Variants in HEATR5B observed in about 807,000 individuals in gnomAD.
HEATR5B encodes the protein HEAT repeat-containing protein 5B.
Under a neutral mutation model 224.1 loss-of-function variants are expected in HEATR5B, and 156 were observed. That is an observed-to-expected ratio of 0.70 (90% CI 0.61 to 0.80). The LOEUF (loss-of-function observed/expected upper bound fraction) is 0.80, where lower values mean the gene tolerates loss of function less well. Among genes scored for constraint, HEATR5B ranks in the 30% least tolerant of loss-of-function variants. The pLI, the probability that HEATR5B is intolerant of heterozygous loss-of-function variation, is 0.00. For synonymous variants in HEATR5B, 1,027 were observed against 893.0 expected (o/e 1.15, Z -2.68); for missense variants, 2,323 against 2,535.5 (o/e 0.92, Z 1.80).
chr2:37,057,748 C>T (rs1036499193), intron 14 of HEATR5B, among the ~76,000 whole-genome samples: 4 of 152,046 alleles, frequency 2.6e-5, no homozygotes, highest in Non-Finnish European at 5.9e-5. Flanking sequence ...CCATAGCATG[C>T]TTGTAGTCCC....
At chr2:37,017,245 C>T (rs1169764760) in intron 26 of HEATR5B, among the ~76,000 whole-genome samples, 1 of 152,058 alleles carries the variant, frequency 6.6e-6, no homozygotes, top group African/African-American at 2.4e-5. Flanking sequence ...ATTAGCTGGG[C>T]GTGGTGGCAC....
rs1665570767 is a variant in HEATR5B, at chr2:36,981,374, A to G, written c.*116T>C. On this transcript the variant is annotated 3_prime_UTR_variant, in exon 36 of 36. Transcript: ENST00000233099. ...TATTTCACTTAACCTACTTGGAAGC[A>G]CTATAATACCAATATACAAATAAAA... 3.0e-6 allele frequency: 2 copies of G among 662,912 alleles called. No homozygotes were observed. The highest frequency in any genetic ancestry group is 4.8e-6 in the Non-Finnish European group (2 of 419,010). 41.1% of individuals were successfully genotyped at this position (662,912 alleles called of 1,614,324 possible).
chr2:36,990,117 G>A (rs1296868482), intron 34 of HEATR5B, among the ~76,000 whole-genome samples: 3 of 151,520 alleles, frequency 2.0e-5, no homozygotes, highest in East Asian at 1.9e-4. Flanking sequence ...GGCTGGTCTC[G>A]AACTCCTGAC....
intron 18 of HEATR5B, among the ~76,000 whole-genome samples, chr2:37,043,449 A>T (rs1669999623): frequency 6.6e-6 from 1 of 152,216 alleles, no homozygotes; most frequent in South Asian, 2.1e-4. Context: ...TATTTTGAGA[A>T]AGTTAGCCAA....
At chr2:37,078,812 T>C (rs1672381653) in intron 3 of HEATR5B, among the ~76,000 whole-genome samples, 1 of 152,134 alleles carries the variant, frequency 6.6e-6, no homozygotes, top group Non-Finnish European at 1.5e-5. Context: ...CTAGGTAACT[T>C]TACTCATATC....
intron 34 of HEATR5B, 88 bp from the exon 35 acceptor site, chr2:36,988,947 T>G: frequency 1.1e-6 from 1 of 931,674 alleles, no homozygotes; most frequent in Non-Finnish European, 1.7e-6. Context: ...GTACTGAAAA[T>G]AAGTGATACT....
chr2:37,024,992 C>T lies in HEATR5B; in HGVS notation c.3853+2931G>A, dbSNP rs111670899. Among the ~76,000 whole-genome samples the T allele has an allele frequency of 5.8e-4, 88 of 152,116 alleles. 2 individuals are homozygous for T. In the East Asian group the frequency reaches 0.01, roughly 17 times the overall value. ...AAAACTTCAAAGTGGAAAGATAATT[C>T]GGTGGTGTATTATATTTGGGGAGTA... On this transcript the variant is annotated intron_variant, in intron 24 of 35. Coordinates refer to ENST00000233099, the MANE Select transcript of HEATR5B (RefSeq NM_019024.3).
chr2:36,998,529 T>C (rs1391906663), intron 33 of HEATR5B, among the ~76,000 whole-genome samples: 1 of 152,222 alleles, frequency 6.6e-6, no homozygotes, highest in Non-Finnish European at 1.5e-5. Context: ...ATTCTACTTC[T>C]AGGTGTACAT....
chr2:36,989,782 G>C (rs556282453), intron 34 of HEATR5B, among the ~76,000 whole-genome samples: 3 of 152,002 alleles, frequency 2.0e-5, no homozygotes, highest in African/African-American at 7.3e-5. Flanking sequence ...AACACAAGTG[G>C]CTAAATATGG....
intron 18 of HEATR5B, among the ~76,000 whole-genome samples, chr2:37,044,615 G>A (rs1276220960): frequency 1.3e-5 from 2 of 152,090 alleles, no homozygotes; most frequent in Non-Finnish European, 2.9e-5. Flanking sequence ...TTTCTCTTAG[G>A]TAAATACCTA....
chr2:37,069,024 G>T, intron 7 of HEATR5B, 94 bp from the exon 8 acceptor site: 2 of 1,266,566 alleles, frequency 1.6e-6, no homozygotes, highest in Non-Finnish European at 2.2e-6. Flanking sequence ...ATAACAGCAT[G>T]CTGAATGAAT....
At position 37,008,670 on chromosome 2, in the gene HEATR5B, A is replaced by C. The variant is rs769548462; in HGVS notation, c.4463T>G (p.Leu1488Ter). The C allele has an allele frequency of 1.0e-4, 163 of 1,614,040 alleles. No homozygotes were observed. The highest frequency in any genetic ancestry group is 8.5e-7 in the Non-Finnish European group (1 of 1,180,020). The change falls in exon 28 of 36, where the codon TTA becomes TGA. Residue 1488 changes from leucine (L) to a stop codon, truncating the protein, a stop_gained. Transcript: ENST00000233099. LOFTEE classifies it high-confidence loss of function. ...PTLSRLWLAA[L>*]KDYALLTLPA... ...TAAAGTCAAGAGTGCATAATCTTTTAATGCTGCTAACCACAGGCGACTGAG... is the reference window on the plus strand; with the variant it reads ...TAAAGTCAAGAGTGCATAATCTTTTCATGCTGCTAACCACAGGCGACTGAG...
chr2:36,989,899 CT>C (rs766148486), intron 34 of HEATR5B, among the ~76,000 whole-genome samples: 190 of 88,902 alleles, frequency 2.1e-3, no homozygotes, highest in Middle Eastern at 9.3e-3. Flanking sequence ...AGAATGTTTC[CT>C]TTTTTTTTTT....
intron 32 of HEATR5B, among the ~76,000 whole-genome samples, chr2:37,001,673 C>CTT (rs1222098568): frequency 6.9e-6 from 1 of 144,012 alleles, no homozygotes; most frequent in African/African-American, 2.5e-5. Flanking sequence ...CTTTTTCTTT[C>CTT]TTTTTTTTTT....
intron 6 of HEATR5B, among the ~76,000 whole-genome samples, chr2:37,070,695 C>A: frequency 6.6e-6 from 1 of 152,222 alleles, no homozygotes; most frequent in East Asian, 1.9e-4. Context: ...ATACTACTAA[C>A]TGATCTCAGT....
intron 21 of HEATR5B, among the ~76,000 whole-genome samples, chr2:37,033,944 T>C (rs1040973179): frequency 6.6e-6 from 1 of 152,188 alleles, no homozygotes; most frequent in Non-Finnish European, 1.5e-5. Flanking sequence ...TTCCATCTGC[T>C]GCTTTTCAAG....
chr2:36,982,503 G>A (rs1056380624), intron 35 of HEATR5B, among the ~76,000 whole-genome samples: 2 of 152,056 alleles, frequency 1.3e-5, no homozygotes, highest in African/African-American at 2.4e-5. Flanking sequence ...GTAATTGTGT[G>A]TGTGTATAAC....
intron 8 of HEATR5B, among the ~76,000 whole-genome samples, chr2:37,066,737 C>T (rs1350345302): frequency 2.0e-5 from 3 of 151,920 alleles, no homozygotes; most frequent in Non-Finnish European, 2.9e-5. Context: ...AATCAAATAA[C>T]GAATTTATGA....
chr2:37,006,419 A>C (rs1320025129), intron 29 of HEATR5B, among the ~76,000 whole-genome samples: 3 of 152,238 alleles, frequency 2.0e-5, no homozygotes, highest in Admixed American at 2.0e-4. Context: ...AGGTGGGTGG[A>C]TCACCTGAGG....
Sources: gnomAD v4.1 joint callset for allele counts (sites outside exome capture counted in the v4.1 genomes callset) on GRCh38, gnomAD v4.1.1 for gene constraint, MANE v1.5 for transcripts, NCBI Gene and HGNC (gene_info 2026-07-23, HGNC 2026-07-21) for gene names.